TENM4: variants seen among roughly 807,000 people sequenced by gnomAD.
The protein encoded by TENM4 is teneurin-4.
Under a neutral mutation model 243.3 loss-of-function variants are expected in TENM4, and 82 were observed. The observed-to-expected ratio is 0.34, with a 90% CI of 0.28 to 0.40. The LOEUF is 0.40. Among genes scored for constraint, TENM4 ranks in the 10% least tolerant of loss-of-function variants. The pLI, the probability that TENM4 is intolerant of heterozygous loss-of-function variation, is 1.00. For missense variants in TENM4, 3,138 were observed against 3,673.3 expected (o/e 0.85, Z 3.77); for synonymous variants, 1,412 against 1,456.3 (o/e 0.97, Z 0.69).
intron 28 of TENM4, among the ~76,000 whole-genome samples, chr11:78,689,278 C>T (rs748225188): frequency 5.9e-5 from 9 of 152,190 alleles, no homozygotes; most frequent in Non-Finnish European, 1.2e-4. Context: ...ACATGCGCTC[C>T]TCCCTGGCAG....
chr11:79,086,404 A>G (rs1185576723), intron 4 of TENM4, among the ~76,000 whole-genome samples: 1 of 152,260 alleles, frequency 6.6e-6, no homozygotes, highest in Non-Finnish European at 1.5e-5. Flanking sequence ...AACAGGAACC[A>G]ACATGCAGTC....
intron 4 of TENM4, among the ~76,000 whole-genome samples, chr11:79,087,829 G>A (rs538237130): frequency 6.6e-6 from 1 of 152,320 alleles, no homozygotes; most frequent in Non-Finnish European, 1.5e-5. Context: ...AGTCACCAGG[G>A]TATACAGGAC....
At chr11:79,010,215 AC>A (rs747069832) in intron 6 of TENM4, among the ~76,000 whole-genome samples, 10 of 152,254 alleles carry the variant, frequency 6.6e-5, no homozygotes, top group Admixed American at 3.9e-4. Flanking sequence ...CTACCTGGCT[AC>A]CTTTACATGA....
intron 6 of TENM4, among the ~76,000 whole-genome samples, chr11:79,011,055 G>A (rs1246444705): frequency 6.6e-6 from 1 of 152,216 alleles, no homozygotes; most frequent in Admixed American, 6.5e-5. Context: ...TGTGTAGTAG[G>A]TGTGTTCCCT....
At chr11:78,880,293 A>G (rs1859396065) in intron 9 of TENM4, among the ~76,000 whole-genome samples, 1 of 152,148 alleles carries the variant, frequency 6.6e-6, no homozygotes, top group African/African-American at 2.4e-5. Context: ...CCTAATCTCA[A>G]GTACCCAGGG....
chr11:79,426,146 G>A (rs993349163), intron 1 of TENM4, among the ~76,000 whole-genome samples: 23 of 152,194 alleles, frequency 1.5e-4, no homozygotes, highest in African/African-American at 5.5e-4. Flanking sequence ...GTTCATCAGT[G>A]CAGGCAGATG....
chr11:78,874,417 T>C lies in TENM4; in HGVS notation c.1085-11285A>G, dbSNP rs544251064. Among the ~76,000 whole-genome samples, 14 of 152,340 alleles carry C rather than the reference T, an allele frequency of 9.2e-5. No homozygotes were observed. In the South Asian group the frequency reaches 2.9e-3, roughly 32 times the overall value. On this transcript the variant is annotated intron_variant, in intron 9 of 33. Coordinates refer to ENST00000278550, the MANE Select transcript of TENM4 (RefSeq NM_001098816.3). ...ATGAAAGAACACCCAAATGTCCTAA[T>C]GTAATACAGTCTGTGTTTAATACAC...
chr11:79,257,477 A>G (rs1277737368), intron 2 of TENM4, among the ~76,000 whole-genome samples: 1 of 152,182 alleles, frequency 6.6e-6, no homozygotes, highest in Non-Finnish European at 1.5e-5. Flanking sequence ...GACACCAGCC[A>G]GAGGTGCTCC....
chr11:78,863,003 C>A lies in TENM4; in HGVS notation c.1214G>T (p.Gly405Val). 1 of 1,506,242 alleles carries A rather than the reference C, an allele frequency of 6.6e-7. No homozygotes were observed. Among genetic ancestry groups the A allele is most frequent in the Non-Finnish European group, 9.0e-7 (1 of 1,113,210 alleles). The allele number at this position is 1,506,242 out of a possible 1,614,324, so 93.3% of individuals were successfully genotyped here. A position where few individuals can be genotyped will look rare whatever the true frequency, so the allele number is the denominator to read the frequency against. ...GCCTTTCCTGTCAGGGGTCTCTAAG[C>A]CAGTGCCCCCTGAGGGGTATAGGGA... ...DVSLYPSGGT[G>V]LETPDRKGKG... Residue 405 changes from glycine to valine, a missense_variant, in exon 10 of 34, where the codon GGC (glycine) becomes GTC (valine). Gly to Val is a moderately radical substitution (Grantham distance 109). Coordinates refer to ENST00000278550, the MANE Select transcript of TENM4 (RefSeq NM_001098816.3).
intron 3 of TENM4, among the ~76,000 whole-genome samples, chr11:79,209,150 T>C (rs1197881263): frequency 2.0e-5 from 3 of 152,240 alleles, no homozygotes; most frequent in African/African-American, 7.2e-5. Flanking sequence ...TAAATGGCTC[T>C]GCAATCATTC....
At chr11:78,668,030 T>C (rs1858201246) in intron 32 of TENM4, among the ~76,000 whole-genome samples, 1 of 152,056 alleles carries the variant, frequency 6.6e-6, no homozygotes, top group African/African-American at 2.4e-5. Context: ...GGTTTCATGG[T>C]AATGGAAGGC....
intron 20 of TENM4, among the ~76,000 whole-genome samples, chr11:78,737,836 G>A (rs893404968): frequency 6.6e-6 from 1 of 152,170 alleles, no homozygotes; most frequent in Non-Finnish European, 1.5e-5. Flanking sequence ...TGTTAACCAC[G>A]TACTATGCGC....
At chr11:79,036,179 C>A (rs1281736371) in intron 6 of TENM4, among the ~76,000 whole-genome samples, 1 of 152,246 alleles carries the variant, frequency 6.6e-6, no homozygotes, top group African/African-American at 2.4e-5. Context: ...TTCTGCATTT[C>A]TCATCAGCTT....
At chr11:78,907,657 A>G (rs879581621) in intron 6 of TENM4, among the ~76,000 whole-genome samples, 1 of 152,134 alleles carries the variant, frequency 6.6e-6, no homozygotes, top group African/African-American at 2.4e-5. Flanking sequence ...ATTTCTTTCC[A>G]TATCCCCAGC....
In TENM4 at chr11:78,669,773, C is replaced by A; in HGVS notation, c.6572G>T (p.Arg2191Leu). The change falls in exon 32 of 34, where the codon CGC becomes CTC. Residue 2191 changes from arginine to leucine, a missense_variant. This residue lies in a region of TENM4 where 2,467 missense variants were observed against 3,059.1 expected (regional missense o/e 0.81). Coordinates refer to ENST00000278550, the MANE Select transcript of TENM4 (RefSeq NM_001098816.3). The surrounding 1 kb of genome is among the most constrained non-coding windows in gnomAD (Gnocchi z 6.4). ...GTCAGCATCATACTCATAGGAGTAG[C>A]GAGTGGTATTGGCGTAGGGTCCTAC... ...LKVGPYANTT[R>L]YSYEYDADGQ... The A allele has an allele frequency of 6.2e-7, 1 of 1,613,940 alleles. No homozygotes were observed. Among genetic ancestry groups the A allele is most frequent in the Non-Finnish European group, 8.5e-7 (1 of 1,179,896 alleles).
chr11:79,100,052 G>A (rs1382649756), intron 4 of TENM4, among the ~76,000 whole-genome samples: 2 of 152,126 alleles, frequency 1.3e-5, no homozygotes, highest in East Asian at 3.9e-4. Flanking sequence ...TCTTTGCCTG[G>A]TACTCTCAGG....
At chr11:79,360,662 T>C (rs1022143035) in intron 1 of TENM4, among the ~76,000 whole-genome samples, 4 of 152,230 alleles carry the variant, frequency 2.6e-5, no homozygotes, top group Non-Finnish European at 5.9e-5. Flanking sequence ...GGTATTTTAA[T>C]AGACTGTCAG....
chr11:79,356,311 C>G (rs1276268670), intron 1 of TENM4, among the ~76,000 whole-genome samples: 2 of 152,208 alleles, frequency 1.3e-5, no homozygotes, highest in African/African-American at 4.8e-5. Flanking sequence ...CTTCTCCTCC[C>G]TCAAGTTCCT....
At chr11:78,884,100 T>C (rs1855494832) in intron 9 of TENM4, among the ~76,000 whole-genome samples, 1 of 152,250 alleles carries the variant, frequency 6.6e-6, no homozygotes, top group Non-Finnish European at 1.5e-5. Flanking sequence ...TTGTAAATTA[T>C]CTTACAGAAA....
Sources: allele counts gnomAD v4.1 joint callset (sites outside exome capture counted in the v4.1 genomes callset), GRCh38; gene constraint gnomAD v4.1.1; regional missense constraint gnomAD v4.1.1; non-coding constraint Gnocchi (gnomAD v3.1); transcripts MANE v1.5; gene names NCBI Gene and HGNC (gene_info 2026-07-23, HGNC 2026-07-21).